CREB5: variants seen among roughly 807,000 people sequenced by gnomAD.
The protein encoded by CREB5 is cAMP responsive element binding protein 5.
In CREB5, 19 loss-of-function variants were observed where a neutral mutation model predicts 57.1. That is an observed-to-expected ratio of 0.33 (90% CI 0.23 to 0.49). The LOEUF (loss-of-function observed/expected upper bound fraction) is 0.49. Ranked by LOEUF, CREB5 falls within the 20% of genes least tolerant of loss-of-function variation. The pLI is 0.99. For missense variants in CREB5, 579 were observed against 671.6 expected (o/e 0.86, Z 1.52); for synonymous variants, 238 against 238.3 (o/e 1.00, Z 0.01).
chr7:28,692,471 G>A (rs1270387827), intron 5 of CREB5, among the ~76,000 whole-genome samples: 2 of 152,138 alleles, frequency 1.3e-5, no homozygotes, highest in Non-Finnish European at 2.9e-5. Context: ...GAAGCAGGGT[G>A]GGGTCTCCTG....
At chr7:28,388,724 C>T (rs147088619) in intron 1 of CREB5, among the ~76,000 whole-genome samples, 96 of 152,306 alleles carry the variant, frequency 6.3e-4, no homozygotes, top group African/African-American at 2.2e-3. Flanking sequence ...CTCTGAACTC[C>T]TTGCTTACTT....
chr7:28,731,954 A>G (rs1479207747), intron 7 of CREB5, among the ~76,000 whole-genome samples: 21 of 152,042 alleles, frequency 1.4e-4, no homozygotes. Flanking sequence ...CTAGTACAAA[A>G]TGCCTTGGTT....
At chr7:28,560,813 T>TGC (rs1795069405) in intron 4 of CREB5, among the ~76,000 whole-genome samples, 1 of 59,940 alleles carries the variant, frequency 1.7e-5, no homozygotes. Context: ...TGTGCGCGTG[T>TGC]GTGTGTGTGC....
intron 5 of CREB5, among the ~76,000 whole-genome samples, chr7:28,699,504 A>C (rs1490223292): frequency 6.6e-6 from 1 of 152,194 alleles, no homozygotes; most frequent in Non-Finnish European, 1.5e-5. Flanking sequence ...AGTACCTAAA[A>C]GGGAGAGGAA....
chr7:28,456,827 C>T (rs1283516900), intron 1 of CREB5, among the ~76,000 whole-genome samples: 7 of 152,222 alleles, frequency 4.6e-5, no homozygotes, highest in Non-Finnish European at 5.9e-5. Flanking sequence ...GGCACACCCC[C>T]TTCTTGTTTG....
At chr7:28,459,407 C>A (rs975818373) in intron 1 of CREB5, among the ~76,000 whole-genome samples, 1 of 152,086 alleles carries the variant, frequency 6.6e-6, no homozygotes, top group African/African-American at 2.4e-5. Context: ...CAAAGACCTC[C>A]TAGAAAAGTG....
rs748666061 is a variant in CREB5 at position 28,395,958 on chromosome 7, TC to T, written c.-25+96518del. 4.6e-5 allele frequency among the ~76,000 whole-genome samples: 7 copies of T among 152,152 alleles called. No homozygotes were observed. In the East Asian group the frequency reaches 1.3e-3, roughly 29 times the overall value. On this transcript the variant is annotated intron_variant, in intron 1 of 9. Transcript: ENST00000396299. Reference sequence around the variant, plus strand: ...TCAACGCCAACTGCAGAAAGAAAGATCTAAGTCAGAAGTGTGATGCAGACAC... The same window carrying T: ...TCAACGCCAACTGCAGAAAGAAAGATTAAGTCAGAAGTGTGATGCAGACAC...
At chr7:28,536,318 T>C (rs905916685) in intron 4 of CREB5, among the ~76,000 whole-genome samples, 1 of 152,184 alleles carries the variant, frequency 6.6e-6, no homozygotes, top group Non-Finnish European at 1.5e-5. Context: ...CCTGATCCCC[T>C]CTCAGAGTCT....
intron 1 of CREB5, among the ~76,000 whole-genome samples, chr7:28,463,383 C>T (rs1790431140): frequency 6.6e-6 from 1 of 152,100 alleles, no homozygotes; most frequent in Non-Finnish European, 1.5e-5. Flanking sequence ...AACTTTGTTC[C>T]TTTTCAAGAT....
At chr7:28,528,731 G>C (rs1319062014) in intron 4 of CREB5, among the ~76,000 whole-genome samples, 3 of 142,420 alleles carry the variant, frequency 2.1e-5, no homozygotes, top group Non-Finnish European at 4.6e-5. Flanking sequence ...AAAAAAAAGA[G>C]CGTGATTATA....
intron 4 of CREB5, among the ~76,000 whole-genome samples, chr7:28,518,745 G>C (rs530903906): frequency 1.3e-5 from 2 of 152,226 alleles, no homozygotes; most frequent in African/African-American, 4.8e-5. Flanking sequence ...ATGCTGCCAG[G>C]CCACCTGAAA....
chr7:28,623,412 A>G (rs1185716261), intron 5 of CREB5, among the ~76,000 whole-genome samples: 1 of 152,218 alleles, frequency 6.6e-6, no homozygotes, highest in East Asian at 1.9e-4. Flanking sequence ...ATATGTCAAA[A>G]TAGCTTTATA....
At chr7:28,610,975 G>T (rs4722823) in intron 5 of CREB5, among the ~76,000 whole-genome samples, 69 of 151,948 alleles carry the variant, frequency 4.5e-4, no homozygotes, top group African/African-American at 6.0e-4. Context: ...AAGGTAGGGG[G>T]GTGTGTGTGT....
At chr7:28,301,235 T>A (rs1283514727) in intron 1 of CREB5, among the ~76,000 whole-genome samples, 1 of 152,190 alleles carries the variant, frequency 6.6e-6, no homozygotes, top group Non-Finnish European at 1.5e-5. Context: ...GGTCAACCTG[T>A]CTGGCAGGGA....
chr7:28,323,653 C>G (rs762215452), intron 1 of CREB5, among the ~76,000 whole-genome samples: 1 of 152,170 alleles, frequency 6.6e-6, no homozygotes, highest in Non-Finnish European at 1.5e-5. Flanking sequence ...TGAACCCCAG[C>G]CTTTTGGCAC....
intron 1 of CREB5, among the ~76,000 whole-genome samples, chr7:28,485,222 T>G (rs938599255): frequency 1.3e-5 from 2 of 152,184 alleles, no homozygotes; most frequent in African/African-American, 4.8e-5. Flanking sequence ...GCAGTAGCAC[T>G]TCCAGTCTTG....
intron 1 of CREB5, among the ~76,000 whole-genome samples, chr7:28,416,220 C>A (rs1456829682): frequency 4.6e-5 from 7 of 152,124 alleles, no homozygotes; most frequent in African/African-American, 1.7e-4. Context: ...TCTTTTTATT[C>A]TTTTATTACA....
intron 7 of CREB5, among the ~76,000 whole-genome samples, chr7:28,758,626 G>C (rs560084708): frequency 3.3e-4 from 51 of 152,324 alleles, no homozygotes; most frequent in Non-Finnish European, 5.7e-4. Context: ...CAGCCACTTA[G>C]AGCAGTAAAG....
chr7:28,401,423 T>C (rs936185239), intron 1 of CREB5, among the ~76,000 whole-genome samples: 1 of 152,150 alleles, frequency 6.6e-6, no homozygotes, highest in African/African-American at 2.4e-5. Flanking sequence ...TAATTTTTTA[T>C]TTTTTTATAA....
Sources: allele counts gnomAD v4.1 joint callset (sites outside exome capture counted in the v4.1 genomes callset), GRCh38; gene constraint gnomAD v4.1.1; transcripts MANE v1.5; gene names NCBI Gene and HGNC (gene_info 2026-07-23, HGNC 2026-07-21).